Variants in COL19A1 observed in about 807,000 individuals in gnomAD.
COL19A1 encodes collagen type XIX alpha 1 chain.
Under a neutral mutation model 190.2 loss-of-function variants are expected in COL19A1, and 159 were observed. The observed-to-expected ratio is 0.84, with a 90% CI of 0.73 to 0.95. The LOEUF (loss-of-function observed/expected upper bound fraction) is 0.95, where lower values mean the gene tolerates loss of function less well. COL19A1 is among the 40% of genes least tolerant of loss of function. COL19A1 has a pLI of 0.00. For synonymous variants in COL19A1, 509 were observed against 458.9 expected (o/e 1.11, Z -1.39); for missense variants, 1,418 against 1,431.9 (o/e 0.99, Z 0.16).
At chr6:70,078,543 A>G (rs1369738199) in intron 15 of COL19A1, among the ~76,000 whole-genome samples, 1 of 152,156 alleles carries the variant, frequency 6.6e-6, no homozygotes, top group Admixed American at 6.5e-5. Flanking sequence ...GTAACTTCCC[A>G]GTATCTCCAG....
chr6:69,961,055 CATG>C (rs1349116015), intron 10 of COL19A1, among the ~76,000 whole-genome samples: 6 of 152,100 alleles, frequency 3.9e-5, no homozygotes, highest in Admixed American at 3.9e-4. Flanking sequence ...GGCCAGCTGT[CATG>C]ATACCATCCA....
chr6:70,183,213 A>T (rs1346749714), intron 44 of COL19A1, among the ~76,000 whole-genome samples: 1 of 152,190 alleles, frequency 6.6e-6, no homozygotes, highest in African/African-American at 2.4e-5. Context: ...ACAAGCGAGC[A>T]AAGATACGTG....
At chr6:70,146,123 C>T (rs1410474378) in intron 25 of COL19A1, among the ~76,000 whole-genome samples, 14 of 152,128 alleles carry the variant, frequency 9.2e-5, no homozygotes, top group Admixed American at 9.2e-4. Context: ...CCTAGGTCCC[C>T]TGAATCCTAG....
intron 14 of COL19A1, among the ~76,000 whole-genome samples, chr6:70,053,710 A>G (rs928906652): frequency 6.6e-6 from 1 of 152,190 alleles, no homozygotes; most frequent in Non-Finnish European, 1.5e-5. Context: ...TTTAGATATC[A>G]TATTTCTAAC....
At chr6:69,990,132 T>C (rs1776537058) in intron 11 of COL19A1, among the ~76,000 whole-genome samples, 1 of 152,104 alleles carries the variant, frequency 6.6e-6, no homozygotes, top group African/African-American at 2.4e-5. Context: ...ATGGACAATT[T>C]CAAATAAACA....
chr6:70,007,470 T>C (rs1032521112), intron 11 of COL19A1, among the ~76,000 whole-genome samples: 5 of 152,102 alleles, frequency 3.3e-5, no homozygotes, highest in African/African-American at 1.2e-4. Flanking sequence ...AGTGACATTA[T>C]TGGAGACAGG....
At chr6:70,116,341 G>A (rs565378943) in intron 16 of COL19A1, among the ~76,000 whole-genome samples, 20 of 152,228 alleles carry the variant, frequency 1.3e-4, no homozygotes, top group African/African-American at 2.2e-4. Context: ...TCTTATAAAA[G>A]CAATGATTCT....
rs115222090 is a variant in COL19A1, at chr6:70,009,916, A to G, written c.1027-13711A>G. Among the ~76,000 whole-genome samples, 462 of 151,774 alleles carry G rather than the reference A, an allele frequency of 3.0e-3. 4 individuals are homozygous for G. The highest frequency in any genetic ancestry group is 0.011 in the African/African-American group (441 of 41,126). ...AAAAGAAAGACAAGAACTTCAACCC[A>G]TACCTCCCACATTATAGAAAACTTA... is the stretch of plus-strand genomic sequence containing the variant. On this transcript the variant is annotated intron_variant, in intron 11 of 50. Transcript: ENST00000620364.
intron 11 of COL19A1, among the ~76,000 whole-genome samples, chr6:69,982,463 A>G (rs1582598217): frequency 6.6e-6 from 1 of 150,468 alleles, no homozygotes; most frequent in Non-Finnish European, 1.5e-5. Flanking sequence ...CTGGTCTTGA[A>G]CTCCTGACCT....
chr6:69,950,935 A>G (rs780188802), intron 9 of COL19A1, among the ~76,000 whole-genome samples: 1 of 151,866 alleles, frequency 6.6e-6, no homozygotes, highest in Non-Finnish European at 1.5e-5. Context: ...ATTTTTTTCT[A>G]AGTAGGAATA....
In COL19A1 at chr6:70,210,816, GT is replaced by G. The variant is rs1424540125; in HGVS notation, c.*3546del. ...TTTTGTAGATAATTTTTGTTAATTT[GT>G]TTTGTTAATTTATGTTTTTCCTAAT... On this transcript the variant is annotated 3_prime_UTR_variant, in exon 51 of 51. Transcript: ENST00000620364. Among the ~76,000 whole-genome samples the G allele has an allele frequency of 6.6e-6, 1 of 151,912 alleles. No homozygotes were observed. Among genetic ancestry groups the G allele is most frequent in the Non-Finnish European group, 1.5e-5 (1 of 67,918 alleles).
intron 12 of COL19A1, among the ~76,000 whole-genome samples, chr6:70,028,542 G>A (rs752013361): frequency 2.0e-5 from 3 of 152,086 alleles, no homozygotes; most frequent in Non-Finnish European, 1.5e-5. Context: ...CTAGGAAGGG[G>A]GTTTTAAGAC....
chr6:69,965,485 T>C (rs566581347), intron 11 of COL19A1, among the ~76,000 whole-genome samples: 1 of 152,258 alleles, frequency 6.6e-6, no homozygotes, highest in Non-Finnish European at 1.5e-5. Context: ...AAGTAGCTCC[T>C]CAAAGAGTTG....
chr6:70,169,718 C>T (rs1285901199), intron 40 of COL19A1, among the ~76,000 whole-genome samples: 3 of 152,088 alleles, frequency 2.0e-5, no homozygotes, highest in Non-Finnish European at 4.4e-5. Flanking sequence ...ACCCTGTCTA[C>T]CCTATCTTTA....
chr6:69,944,397 A>T (rs545478874), intron 9 of COL19A1, among the ~76,000 whole-genome samples: 1 of 152,266 alleles, frequency 6.6e-6, no homozygotes, highest in South Asian at 2.1e-4. Flanking sequence ...ACCTCAAGGA[A>T]AGTTTAAATA....
chr6:70,050,281 G>A (rs988198522), intron 14 of COL19A1, among the ~76,000 whole-genome samples: 2 of 152,010 alleles, frequency 1.3e-5, no homozygotes, highest in East Asian at 3.8e-4. Flanking sequence ...AATATCAATA[G>A]CAATGAGCCT....
At chr6:70,073,629 C>T (rs919902129) in intron 15 of COL19A1, among the ~76,000 whole-genome samples, 2 of 152,106 alleles carry the variant, frequency 1.3e-5, no homozygotes, top group Non-Finnish European at 2.9e-5. Context: ...TCTTACTTTA[C>T]CTAGATGTCC....
intron 15 of COL19A1, among the ~76,000 whole-genome samples, chr6:70,078,061 G>A (rs1426428166): frequency 2.0e-5 from 3 of 152,086 alleles, no homozygotes; most frequent in African/African-American, 7.2e-5. Context: ...ATTTGTCTTC[G>A]AAAGTATTTG....
rs901626586 is a variant in COL19A1, at chr6:69,909,156, A to G, written c.266+8818A>G. Among the ~76,000 whole-genome samples, 3 of 152,252 alleles carry G rather than the reference A, an allele frequency of 2.0e-5. No individual in the cohort carries two copies. The East Asian group carries it at 5.8e-4, about 29-fold the overall frequency. On this transcript the variant is annotated intron_variant, in intron 4 of 50. Transcript: ENST00000620364. Reference sequence around the variant, plus strand: ...GTGAGAAGCTGCAATTCATTTACAAACTTATCCATTTTCTAGCCTCAAATG... The same window carrying G: ...GTGAGAAGCTGCAATTCATTTACAAGCTTATCCATTTTCTAGCCTCAAATG...
Sources: allele counts gnomAD v4.1 joint callset (sites outside exome capture counted in the v4.1 genomes callset), GRCh38; gene constraint gnomAD v4.1.1; transcripts MANE v1.5; gene names NCBI Gene and HGNC (gene_info 2026-07-23, HGNC 2026-07-21).